AP3B1: variants seen among roughly 807,000 people sequenced by gnomAD.
The protein encoded by AP3B1 is AP-3 complex subunit beta-1.
Under a neutral mutation model 132.5 loss-of-function variants are expected in AP3B1, and 61 were observed. The observed-to-expected ratio is 0.46, with a 90% CI of 0.37 to 0.57. The LOEUF is 0.57. AP3B1 is among the 20% of genes least tolerant of loss of function. AP3B1 has a pLI of 0.00. For synonymous variants in AP3B1, 388 were observed against 438.3 expected, an observed-to-expected ratio of 0.89 and a Z score of 1.43; for missense variants, 1,120 against 1,289.4, an observed-to-expected ratio of 0.87 and a Z score of 2.01.
intron 22 of AP3B1, among the ~76,000 whole-genome samples, chr5:78,046,525 T>C (rs1211563819): frequency 6.6e-6 from 1 of 152,174 alleles, no homozygotes; most frequent in Non-Finnish European, 1.5e-5. Context: ...ACTTTGCTTC[T>C]GAAGCTCTTT....
intron 26 of AP3B1, among the ~76,000 whole-genome samples, chr5:78,010,478 C>T (rs1018329185): frequency 2.0e-5 from 3 of 152,134 alleles, no homozygotes; most frequent in Admixed American, 6.5e-5. Context: ...AAAACCTTAG[C>T]GATTTCGGAG....
At chr5:78,269,696 A>T (rs923028210) in intron 1 of AP3B1, among the ~76,000 whole-genome samples, 1 of 152,202 alleles carries the variant, frequency 6.6e-6, no homozygotes, top group Admixed American at 6.5e-5. Context: ...ATGATCTGAG[A>T]AAGTCTGGTC....
intron 5 of AP3B1, among the ~76,000 whole-genome samples, chr5:78,226,895 A>T (rs887483241): frequency 2.6e-5 from 4 of 152,110 alleles, no homozygotes; most frequent in Admixed American, 6.6e-5. Context: ...TACACTTTTT[A>T]AAATTACTTA....
At chr5:78,040,053 T>C (rs1748009110) in intron 22 of AP3B1, among the ~76,000 whole-genome samples, 1 of 152,108 alleles carries the variant, frequency 6.6e-6, no homozygotes, top group African/African-American at 2.4e-5. Context: ...CCTGACTCTT[T>C]GAACTGTTTT....
rs190907655 is a variant in AP3B1 at position 78,231,581 on chromosome 5, C to T, written c.280-3342G>A. ...ATTTTATGCAATCTAAATAGACCAC[C>T]AATTGTAAAACATACCATTATATTA... On this transcript the variant is annotated intron_variant, in intron 3 of 26. Coordinates refer to ENST00000255194, the MANE Select transcript of AP3B1 (RefSeq NM_003664.5). Among the ~76,000 whole-genome samples the T allele has an allele frequency of 8.6e-5, 13 of 152,014 alleles. No homozygotes were observed. In the East Asian group the frequency reaches 2.5e-3, roughly 29 times the overall value.
chr5:78,095,920 T>G (rs1343014421), intron 21 of AP3B1, among the ~76,000 whole-genome samples: 2 of 152,206 alleles, frequency 1.3e-5, no homozygotes, highest in Admixed American at 1.3e-4. Context: ...AGTTAAAAAA[T>G]GTAGGTTGGG....
chr5:78,230,650 C>T (rs894275892), intron 3 of AP3B1, among the ~76,000 whole-genome samples: 6 of 152,188 alleles, frequency 3.9e-5, no homozygotes, highest in East Asian at 1.9e-4. Context: ...CAAGTTATCC[C>T]GCTTCACCAA....
In AP3B1 at chr5:78,089,438, A is replaced by G; in HGVS notation, c.2532T>C (p.Ala844=). The change falls in exon 22 of 27, where the codon GCT becomes GCC. Residue 844 remains alanine, a synonymous_variant. Coordinates refer to ENST00000255194, the MANE Select transcript of AP3B1 (RefSeq NM_003664.5). The part of the protein sequence containing the change: ...PTPALSPSLM[A]DLEGLHLSTS... ...TTGACAAGTGTAAACCTTCAAGATC[A>G]GCCATCAAACTTGGAGAAAGAGCTG... The G allele has an allele frequency of 6.2e-7, 1 of 1,613,558 alleles. No homozygotes were observed.
chr5:78,258,160 C>T (rs887043863), intron 2 of AP3B1, among the ~76,000 whole-genome samples: 1 of 152,054 alleles, frequency 6.6e-6, no homozygotes, highest in Non-Finnish European at 1.5e-5. Flanking sequence ...ACAGACAAAT[C>T]GGATCACATC....
chr5:78,050,835 G>A (rs1231112506), intron 22 of AP3B1, among the ~76,000 whole-genome samples: 3 of 152,094 alleles, frequency 2.0e-5, no homozygotes, highest in African/African-American at 7.2e-5. Flanking sequence ...AAATGATATA[G>A]GTCATCTTTA....
At chr5:78,084,252 T>A (rs1036615850) in intron 22 of AP3B1, among the ~76,000 whole-genome samples, 4 of 151,890 alleles carry the variant, frequency 2.6e-5, no homozygotes, top group Non-Finnish European at 5.9e-5. Context: ...TGGTTGAGTG[T>A]GGTGGCTCAC....
intron 2 of AP3B1, among the ~76,000 whole-genome samples, chr5:78,255,288 A>G (rs1747803609): frequency 6.6e-6 from 1 of 152,154 alleles, no homozygotes; most frequent in Non-Finnish European, 1.5e-5. Flanking sequence ...CTCGCCAATC[A>G]GAAAAACAGA....
intron 11 of AP3B1, among the ~76,000 whole-genome samples, chr5:78,168,146 AT>A (rs1424916792): frequency 1.3e-5 from 2 of 151,250 alleles, no homozygotes; most frequent in Non-Finnish European, 2.9e-5. Flanking sequence ...TATTAGAAAT[AT>A]TTTTCCCAGA....
At chr5:78,229,983 T>A (rs1197516873) in intron 3 of AP3B1, among the ~76,000 whole-genome samples, 1 of 152,128 alleles carries the variant, frequency 6.6e-6, no homozygotes, top group Non-Finnish European at 1.5e-5. Context: ...CCATCCTGTT[T>A]GCTCCTTCCT....
At chr5:78,249,951 G>A (rs1436457478) in intron 2 of AP3B1, among the ~76,000 whole-genome samples, 1 of 152,000 alleles carries the variant, frequency 6.6e-6, no homozygotes, top group Non-Finnish European at 1.5e-5. Flanking sequence ...TTCTGCTATT[G>A]CATCAATCCA....
chr5:78,154,492 C>G (rs868154626), intron 14 of AP3B1, among the ~76,000 whole-genome samples: 1 of 152,138 alleles, frequency 6.6e-6, no homozygotes, highest in African/African-American at 2.4e-5. Context: ...ACATCTTTCT[C>G]TAGGTTTGGG....
At chr5:78,018,063 A>G (rs1746928906) in intron 25 of AP3B1, among the ~76,000 whole-genome samples, 1 of 152,052 alleles carries the variant, frequency 6.6e-6, no homozygotes, top group Admixed American at 6.6e-5. Context: ...AAGAAAATGA[A>G]TAAGAGGAGT....
intron 3 of AP3B1, among the ~76,000 whole-genome samples, chr5:78,229,116 G>C (rs1357452171): frequency 6.6e-6 from 1 of 151,954 alleles, no homozygotes; most frequent in Non-Finnish European, 1.5e-5. Context: ...GGATTTTATA[G>C]AGACGGGGTC....
intron 7 of AP3B1, 58 bp from the exon 8 acceptor site, chr5:78,181,720 A>G: frequency 2.7e-6 from 4 of 1,495,212 alleles, no homozygotes; most frequent in Non-Finnish European, 3.7e-6. Flanking sequence ...TCTGCATATT[A>G]TATAGTCAAA....
Sources: allele counts gnomAD v4.1 joint callset (sites outside exome capture counted in the v4.1 genomes callset), GRCh38; gene constraint gnomAD v4.1.1; transcripts MANE v1.5; gene names NCBI Gene and HGNC (gene_info 2026-07-23, HGNC 2026-07-21).